The following FAM107B variants were observed in gnomAD, a reference collection of about 807,000 sequenced individuals.
The protein encoded by FAM107B is family with sequence similarity 107 member B, also known as protein FAM107B.
In FAM107B, 21 loss-of-function variants were observed where a neutral mutation model predicts 31.5. That is an observed-to-expected ratio of 0.67 (90% CI 0.47 to 0.96). The LOEUF is 0.96. Ranked by LOEUF, FAM107B falls within the 40% of genes least tolerant of loss-of-function variation. The pLI, the probability that FAM107B is intolerant of heterozygous loss-of-function variation, is 0.00. For missense variants in FAM107B, 452 were observed against 377.1 expected, an observed-to-expected ratio of 1.20 and a Z score of -1.64; for synonymous variants, 157 against 141.5, an observed-to-expected ratio of 1.11 and a Z score of -0.78.
At chr10:14,738,680 G>A (rs1856366350) in intron 1 of FAM107B, among the ~76,000 whole-genome samples, 1 of 152,220 alleles carries the variant, frequency 6.6e-6, no homozygotes. Context: ...GGGAAGGTAA[G>A]GAATCCAGAC....
At chr10:14,538,241 T>C (rs756988498) in intron 2 of FAM107B, among the ~76,000 whole-genome samples, 9 of 152,290 alleles carry the variant, frequency 5.9e-5, no homozygotes, top group Middle Eastern at 3.4e-3. Context: ...TTAAAATATA[T>C]CAATATAAAT....
chr10:14,604,130 G>C (rs917246593), intron 2 of FAM107B: 2 of 641,422 alleles, frequency 3.1e-6, no homozygotes, highest in Non-Finnish European at 3.9e-6. Flanking sequence ...CACCCGCCCG[G>C]CCGCCCGCCC....
chr10:14,678,900 G>T (rs6602751), intron 1 of FAM107B, among the ~76,000 whole-genome samples: 40,133 of 152,088 alleles, frequency 0.26, 5,773 homozygotes, highest in Admixed American at 0.33. Flanking sequence ...TCTAAAACAT[G>T]CTGAGTGATT....
intron 2 of FAM107B, among the ~76,000 whole-genome samples, chr10:14,662,527 C>T (rs1399859974): frequency 6.6e-6 from 1 of 152,172 alleles, no homozygotes; most frequent in South Asian, 2.1e-4. Context: ...CAGGCATGCA[C>T]CACCATGCCC....
At chr10:14,622,935 T>C (rs900023775) in intron 2 of FAM107B, among the ~76,000 whole-genome samples, 1 of 152,186 alleles carries the variant, frequency 6.6e-6, no homozygotes, top group Non-Finnish European at 1.5e-5. Flanking sequence ...AACTACACAA[T>C]TTCTAGTTTG....
chr10:14,635,091 CAAAAAAAAGAAAAGAAA>C (rs1853462475), intron 2 of FAM107B, among the ~76,000 whole-genome samples: 1 of 53,982 alleles, frequency 1.9e-5, no homozygotes, highest in Non-Finnish European at 3.4e-5. Context: ...AACCTATCTC[CAAAAAAAAGAAAAGAAA>C]AAAAAAAAGG....
chr10:14,654,993 T>A (rs1854006902), intron 2 of FAM107B, among the ~76,000 whole-genome samples: 1 of 152,174 alleles, frequency 6.6e-6, no homozygotes, highest in South Asian at 2.1e-4. Flanking sequence ...GGGTAATTCA[T>A]AAAGGAAAGA....
chr10:14,644,684 G>A (rs945149187), intron 2 of FAM107B, among the ~76,000 whole-genome samples: 19 of 152,282 alleles, frequency 1.2e-4, no homozygotes, highest in Admixed American at 2.6e-4. Flanking sequence ...CCTATGGCAA[G>A]GCATTTTAAT....
chr10:14,544,903 C>T (rs970155354), intron 2 of FAM107B, among the ~76,000 whole-genome samples: 3 of 152,116 alleles, frequency 2.0e-5, no homozygotes, highest in African/African-American at 7.2e-5. Flanking sequence ...AAAACAAATG[C>T]CTACGTGTGT....
At chr10:14,570,529 C>T (rs1851125506) in intron 2 of FAM107B, among the ~76,000 whole-genome samples, 1 of 152,208 alleles carries the variant, frequency 6.6e-6, no homozygotes, top group African/African-American at 2.4e-5. Context: ...AGGCCAGGCA[C>T]AGTGGCTGAC....
intron 2 of FAM107B, among the ~76,000 whole-genome samples, chr10:14,568,570 C>G (rs1177558196): frequency 3.6e-4 from 29 of 81,116 alleles, no homozygotes; most frequent in Middle Eastern, 6.8e-3. Flanking sequence ...TAAGAGGAGG[C>G]TGGCTGATGA....
chr10:14,729,811 G>A (rs551821099), intron 1 of FAM107B, among the ~76,000 whole-genome samples: 2 of 152,226 alleles, frequency 1.3e-5, no homozygotes, highest in South Asian at 2.1e-4. Flanking sequence ...ATGATAGACC[G>A]GATTAAGACA....
chr10:14,592,024 T>C (rs982903400), intron 2 of FAM107B, among the ~76,000 whole-genome samples: 4 of 152,200 alleles, frequency 2.6e-5, no homozygotes, highest in Admixed American at 1.3e-4. Flanking sequence ...TGGACAGACT[T>C]TGTTCAAATC....
At chr10:14,737,800 C>CTCT (rs59200578) in intron 1 of FAM107B, among the ~76,000 whole-genome samples, 5 of 148,976 alleles carry the variant, frequency 3.4e-5, no homozygotes, top group African/African-American at 1.0e-4. Context: ...CTCTCTCTCT[C>CTCT]CTTCGTTGGC....
chr10:14,720,083 G>A lies in FAM107B; in HGVS notation c.412-52392C>T, dbSNP rs1035326615. The stretch of plus-strand genomic sequence containing the variant: ...CCAACCAGTTGGTGACCTCAGGCAA[G>A]TCACAACCTCTTTGGGCTTCGATTT... On this transcript the variant is annotated intron_variant, in intron 1 of 4. Transcript: ENST00000181796. Among the ~76,000 whole-genome samples the A allele has an allele frequency of 2.0e-5, 3 of 152,276 alleles. 1 individual carries two copies. In the Middle Eastern group the frequency reaches 0.01, roughly 518 times the overall value.
intron 2 of FAM107B, among the ~76,000 whole-genome samples, chr10:14,628,112 G>GGTTTTTTTTTTTTTTTTTTTTTTTTT (rs1440347763): frequency 1.1e-5 from 1 of 92,676 alleles, no homozygotes; most frequent in South Asian, 4.5e-4. Context: ...TGTTTTGCTG[G>GGTTTTTTTTTTTTTTTTTTTTTTTTT]TTTTTTTTTT....
intron 2 of FAM107B, among the ~76,000 whole-genome samples, chr10:14,641,587 G>A (rs955468891): frequency 1.3e-5 from 2 of 152,210 alleles, no homozygotes; most frequent in African/African-American, 2.4e-5. Context: ...CCTTCTTGCT[G>A]TGTTCTCACA....
chr10:14,636,308 T>C (rs1853498109), intron 2 of FAM107B, among the ~76,000 whole-genome samples: 1 of 148,336 alleles, frequency 6.7e-6, no homozygotes, highest in Admixed American at 6.7e-5. Context: ...TCCAGGATCA[T>C]GTGAGAGAGA....
intron 1 of FAM107B, among the ~76,000 whole-genome samples, chr10:14,687,133 T>C (rs906775346): frequency 6.6e-6 from 1 of 152,226 alleles, no homozygotes; most frequent in Non-Finnish European, 1.5e-5. Flanking sequence ...AATAATGTGC[T>C]TCCTACTAAT....
Sources: gnomAD v4.1 joint callset for allele counts (sites outside exome capture counted in the v4.1 genomes callset) on GRCh38, gnomAD v4.1.1 for gene constraint, MANE v1.5 for transcripts, NCBI Gene and HGNC (gene_info 2026-07-23, HGNC 2026-07-21) for gene names.